The following LDLRAD4 variants were observed in gnomAD, a reference collection of about 807,000 sequenced individuals.
LDLRAD4 encodes the protein low density lipoprotein receptor class A domain containing 4.
Under a neutral mutation model 17.0 loss-of-function variants are expected in LDLRAD4, and 5 were observed. That is an observed-to-expected ratio of 0.29 (90% CI 0.15 to 0.62). The LOEUF (loss-of-function observed/expected upper bound fraction) is 0.62. LDLRAD4 is among the 20% of genes least tolerant of loss of function. The pLI, the probability that LDLRAD4 is intolerant of heterozygous loss-of-function variation, is 0.84. For synonymous variants in LDLRAD4, 168 were observed against 171.8 expected (o/e 0.98, Z 0.17); for missense variants, 340 against 424.7 (o/e 0.80, Z 1.75).
intron 1 of LDLRAD4, among the ~76,000 whole-genome samples, chr18:13,345,654 A>G (rs2082638440): frequency 6.6e-6 from 1 of 152,190 alleles, no homozygotes; most frequent in Non-Finnish European, 1.5e-5. Context: ...TTCAGAAGGA[A>G]TGGTGCCAGC....
intron 3 of LDLRAD4, chr18:13,613,289 C>T (rs1338745086): frequency 6.5e-6 from 1 of 152,718 alleles, no homozygotes; most frequent in Non-Finnish European, 1.5e-5. Flanking sequence ...AAGTGAGAGA[C>T]AGACAGACTG....
At chr18:13,297,605 G>A (rs775065460) in intron 1 of LDLRAD4, among the ~76,000 whole-genome samples, 1 of 152,160 alleles carries the variant, frequency 6.6e-6, no homozygotes, top group African/African-American at 2.4e-5. Context: ...GACCAGCTTG[G>A]GTAACATAAT....
At chr18:13,329,262 C>G (rs147907303) in intron 1 of LDLRAD4, among the ~76,000 whole-genome samples, 2,712 of 152,334 alleles carry the variant, frequency 0.018, 44 homozygotes, top group Non-Finnish European at 0.028. Context: ...CACCAGTTCA[C>G]ACAATCATCA....
At chr18:13,589,623 C>T (rs2094983500) in intron 3 of LDLRAD4, among the ~76,000 whole-genome samples, 1 of 152,226 alleles carries the variant, frequency 6.6e-6, no homozygotes, top group Non-Finnish European at 1.5e-5. Flanking sequence ...CACCTTTCCC[C>T]CAGGCTGGGT....
At chr18:13,324,651 T>C (rs2081425112) in intron 1 of LDLRAD4, among the ~76,000 whole-genome samples, 1 of 152,126 alleles carries the variant, frequency 6.6e-6, no homozygotes, top group Non-Finnish European at 1.5e-5. Flanking sequence ...CTGCTGCTGA[T>C]GATCTGGAAC....
intron 3 of LDLRAD4, among the ~76,000 whole-genome samples, chr18:13,577,520 A>G (rs1257024750): frequency 6.6e-6 from 1 of 152,150 alleles, no homozygotes; most frequent in Non-Finnish European, 1.5e-5. Context: ...AAGAGCAACC[A>G]CTGAGAAAAG....
Position 13,434,394 on chromosome 18 carries a change from A to T in LDLRAD4, c.41-3850A>T, listed in dbSNP as rs186374054. Among the ~76,000 whole-genome samples the T allele has an allele frequency of 2.2e-3, 342 of 152,204 alleles. 8 individuals are homozygous for T. The East Asian group carries it at 0.059, about 26-fold the overall frequency. On this transcript the variant is annotated intron_variant, in intron 2 of 5. Transcript: ENST00000359446. ...ATAATACGTCTATAGCTCCTGGAGG[A>T]GACACTGGTTCCTGAGCAACTCATT...
At chr18:13,519,239 C>T (rs997876636) in intron 3 of LDLRAD4, among the ~76,000 whole-genome samples, 8 of 152,168 alleles carry the variant, frequency 5.3e-5, no homozygotes, top group Non-Finnish European at 1.0e-4. Flanking sequence ...TTCCAGCAGA[C>T]GGTTCCTCTG....
intron 3 of LDLRAD4, chr18:13,471,595 C>G (rs1452505440): frequency 6.6e-6 from 1 of 152,424 alleles, no homozygotes; most frequent in Non-Finnish European, 1.5e-5. Flanking sequence ...GTTCAGGGAC[C>G]CACTCGGAGA....
chr18:13,541,687 T>C (rs2094285950), intron 3 of LDLRAD4, among the ~76,000 whole-genome samples: 1 of 152,220 alleles, frequency 6.6e-6, no homozygotes, highest in Non-Finnish European at 1.5e-5. Context: ...AGAAATGCTC[T>C]CTAAATCAGG....
At chr18:13,599,177 G>A (rs1002049580) in intron 3 of LDLRAD4, among the ~76,000 whole-genome samples, 2 of 152,160 alleles carry the variant, frequency 1.3e-5, no homozygotes, top group African/African-American at 4.8e-5. Flanking sequence ...GGGAAGTGGG[G>A]AGAGAGGAAA....
intron 3 of LDLRAD4, among the ~76,000 whole-genome samples, chr18:13,450,212 A>G (rs921121030): frequency 2.6e-5 from 4 of 151,892 alleles, no homozygotes; most frequent in Non-Finnish European, 5.9e-5. Flanking sequence ...AGGCCTCTAG[A>G]TCAGCGGCTG....
chr18:13,368,366 T>TGTGAGGTGGG (rs1271310446), intron 1 of LDLRAD4, among the ~76,000 whole-genome samples: 3 of 152,098 alleles, frequency 2.0e-5, no homozygotes, highest in Non-Finnish European at 4.4e-5. Context: ...AGGCGTGGGC[T>TGTGAGGTGGG]CAGCACTGTG....
chr18:13,288,776 T>C (rs7239860), intron 1 of LDLRAD4, among the ~76,000 whole-genome samples: 17,598 of 32,700 alleles, frequency 0.54, 4,252 homozygotes, highest in East Asian at 0.84. Context: ...GTAGCAGCCC[T>C]GCAGACCGTG....
intron 3 of LDLRAD4, among the ~76,000 whole-genome samples, chr18:13,453,446 C>T (rs1025759268): frequency 3.3e-5 from 5 of 152,090 alleles, no homozygotes; most frequent in Non-Finnish European, 5.9e-5. Context: ...TCCGTAGTGA[C>T]CTTGGTTTAT....
In LDLRAD4 at chr18:13,505,622, A is replaced by C. The variant is rs551443952; in HGVS notation, c.181+67238A>C. Among the ~76,000 whole-genome samples, 168 of 152,246 alleles carry C rather than the reference A, an allele frequency of 1.1e-3. 2 individuals are homozygous for C. Among genetic ancestry groups the C allele is most frequent in the South Asian group, 4.8e-3 (23 of 4,812 alleles). On this transcript the variant is annotated intron_variant, in intron 3 of 5. Transcript: ENST00000359446. Reference sequence around the variant, plus strand: ...ATCACAAGGTCAGGAGATTGAGACCATCCTGGCTAGCACGGTGAAACTCAT... The same window carrying C: ...ATCACAAGGTCAGGAGATTGAGACCCTCCTGGCTAGCACGGTGAAACTCAT...
At chr18:13,650,058 A>G (rs572127463) in exon 6 of LDLRAD4, 28 of 398,634 alleles carry the variant, frequency 7.0e-5, no homozygotes, top group African/African-American at 5.5e-4. Flanking sequence ...ACCGTTCGCC[A>G]TTTCCACCAC....
At chr18:13,375,302 G>A (rs963678073) in intron 1 of LDLRAD4, among the ~76,000 whole-genome samples, 2 of 152,184 alleles carry the variant, frequency 1.3e-5, no homozygotes, top group Non-Finnish European at 2.9e-5. Flanking sequence ...TTTTCCTCCA[G>A]GAAGCCATTT....
At chr18:13,493,277 A>G (rs1005421814) in intron 3 of LDLRAD4, among the ~76,000 whole-genome samples, 4 of 152,186 alleles carry the variant, frequency 2.6e-5, no homozygotes. Flanking sequence ...GGCCAGGCTG[A>G]CACCCTGGTT....
Sources: allele counts gnomAD v4.1 joint callset (sites outside exome capture counted in the v4.1 genomes callset), GRCh38; gene constraint gnomAD v4.1.1; transcripts MANE v1.5; gene names NCBI Gene and HGNC (gene_info 2026-07-23, HGNC 2026-07-21).